Variants in RNF115 observed in about 807,000 individuals in gnomAD.
RNF115 encodes ring finger protein 115.
RNF115 carries 31 observed loss-of-function variants against 39.2 expected under a neutral mutation model. That is an observed-to-expected ratio of 0.79 (90% CI 0.59 to 1.07). The LOEUF (loss-of-function observed/expected upper bound fraction) is 1.07, where lower values mean the gene tolerates loss of function less well. Among genes scored for constraint, RNF115 ranks in the 50% least tolerant of loss-of-function variants. The pLI is 0.00. For synonymous variants in RNF115, 124 were observed against 131.0 expected (o/e 0.95, Z 0.37); for missense variants, 384 against 381.7 (o/e 1.01, Z -0.05).
At chr1:145,794,701 GGTGA>G (rs1648862900) in intron 1 of RNF115, among the ~76,000 whole-genome samples, 1 of 151,124 alleles carries the variant, frequency 6.6e-6, no homozygotes, top group Admixed American at 6.6e-5. Context: ...GGACCCTCCC[GGTGA>G]GTGTTACACT....
At chr1:145,761,148 AG>A (rs1553713783) in intron 4 of RNF115, among the ~76,000 whole-genome samples, 2 of 152,226 alleles carry the variant, frequency 1.3e-5, no homozygotes, top group Admixed American at 6.5e-5. Context: ...GCTGTTAACC[AG>A]TTTTATAAGG....
Position 145,824,032 on chromosome 1 carries a change from G to T in RNF115, c.-159C>A. 5.8e-6 allele frequency: 3 copies of T among 520,212 alleles called. No homozygotes were observed. Among genetic ancestry groups the T allele is most frequent in the South Asian group, 6.0e-5 (2 of 33,244 alleles). 32.2% of individuals were successfully genotyped at this position (520,212 alleles called of 1,614,324 possible). A position where few individuals can be genotyped will look rare whatever the true frequency, so the allele number is the denominator to read the frequency against. ...GTGAGTTGGCCAGGCCCAGAAACGC[G>T]GCGGCGCCAACAGCTACCCTGCGGC... On this transcript the variant is annotated 5_prime_UTR_variant, in exon 1 of 9. Coordinates refer to ENST00000582693, the MANE Select transcript of RNF115 (RefSeq NM_014455.4).
chr1:145,812,339 T>C (rs373083587), intron 1 of RNF115, among the ~76,000 whole-genome samples: 8,853 of 135,100 alleles, frequency 0.066, 302 homozygotes, highest in East Asian at 0.072. Context: ...TTAATCTGTC[T>C]TAACAGATTT....
intron 4 of RNF115, among the ~76,000 whole-genome samples, chr1:145,757,917 A>G (rs12401620): frequency 3.3e-5 from 5 of 152,234 alleles, no homozygotes; most frequent in Admixed American, 3.3e-4. Flanking sequence ...CCTAGTTAAA[A>G]GGACAGCTAC....
rs1378849755 is a variant in RNF115 at position 145,815,585 on chromosome 1, G to A, written c.102+8187C>T. ...ACTCCATGACACAGCCCTCTGTGGT[G>A]TACTACCCAGTCATTCATCATCAAT... On this transcript the variant is annotated intron_variant, in intron 1 of 8. Transcript: ENST00000582693. Among the ~76,000 whole-genome samples, 10 of 152,270 alleles carry A rather than the reference G, an allele frequency of 6.6e-5. No homozygotes were observed. In the East Asian group the frequency reaches 1.9e-3, roughly 29 times the overall value.
chr1:145,784,142 T>C (rs1648271167), intron 3 of RNF115, among the ~76,000 whole-genome samples: 1 of 152,202 alleles, frequency 6.6e-6, no homozygotes. Flanking sequence ...ACTATTTCAT[T>C]GTGACTTCGA....
chr1:145,761,918 G>A (rs781802884), intron 4 of RNF115, among the ~76,000 whole-genome samples: 12 of 152,152 alleles, frequency 7.9e-5, no homozygotes, highest in African/African-American at 9.7e-5. Flanking sequence ...CCAAGACCAC[G>A]GGAACCCACC....
chr1:145,821,792 T>G (rs1553724384), intron 1 of RNF115, among the ~76,000 whole-genome samples: 1 of 106,742 alleles, frequency 9.4e-6, no homozygotes, highest in African/African-American at 3.4e-5. Flanking sequence ...AAAGGCAAAA[T>G]AGTGAACAGC....
chr1:145,770,183 G>C (rs750129876), intron 4 of RNF115, among the ~76,000 whole-genome samples: 4 of 152,140 alleles, frequency 2.6e-5, no homozygotes, highest in Non-Finnish European at 5.9e-5. Flanking sequence ...AAAATCATTA[G>C]TCATTCTTAA....
chr1:145,754,235 A>G (rs752884326), intron 4 of RNF115, among the ~76,000 whole-genome samples: 10 of 152,204 alleles, frequency 6.6e-5, no homozygotes, highest in Non-Finnish European at 1.3e-4. Flanking sequence ...ATATGTATGC[A>G]TTGTGGAATG....
intron 4 of RNF115, among the ~76,000 whole-genome samples, chr1:145,764,671 C>T (rs908770228): frequency 6.6e-6 from 1 of 151,630 alleles, no homozygotes; most frequent in Non-Finnish European, 1.5e-5. Context: ...AAGTGAGGAG[C>T]GTCTCTGCCC....
intron 2 of RNF115, 112 bp downstream of exon 2, chr1:145,788,796 G>T (rs781903073): frequency 1.3e-6 from 1 of 795,760 alleles, no homozygotes; most frequent in Admixed American, 1.8e-5. Context: ...TCTCACTCTC[G>T]CTCTCTCTGT....
At chr1:145,757,505 G>A (rs1358510976) in intron 4 of RNF115, among the ~76,000 whole-genome samples, 2 of 152,106 alleles carry the variant, frequency 1.3e-5, no homozygotes, top group African/African-American at 2.4e-5. Flanking sequence ...AATGAAAACC[G>A]GTCTCTGGGC....
chr1:145,761,430 T>C, intron 4 of RNF115, among the ~76,000 whole-genome samples: 1 of 152,308 alleles, frequency 6.6e-6, no homozygotes, highest in East Asian at 1.9e-4. Flanking sequence ...CCTAGGGACT[T>C]GGTGCCCTGT....
At chr1:145,761,589 C>T (rs182015493) in intron 4 of RNF115, among the ~76,000 whole-genome samples, 148 of 152,334 alleles carry the variant, frequency 9.7e-4, no homozygotes, top group Non-Finnish European at 3.5e-4. Flanking sequence ...TGGGAACCTC[C>T]GCCTAGATTT....
chr1:145,821,695 T>C (rs1323919751), intron 1 of RNF115, among the ~76,000 whole-genome samples: 3 of 96,016 alleles, frequency 3.1e-5, no homozygotes, highest in East Asian at 2.5e-4. Context: ...CTCGAACTCC[T>C]GAGCTCAAGC....
intron 2 of RNF115, among the ~76,000 whole-genome samples, chr1:145,785,912 A>T (rs1382888380): frequency 6.6e-6 from 1 of 152,244 alleles, no homozygotes; most frequent in Non-Finnish European, 1.5e-5. Flanking sequence ...TCTATGCTAA[A>T]TAAACAGCTA....
chr1:145,754,626 C>A (rs977838136), intron 4 of RNF115, among the ~76,000 whole-genome samples: 3 of 152,148 alleles, frequency 2.0e-5, no homozygotes, highest in African/African-American at 7.2e-5. Context: ...CATGAGCCAC[C>A]CCACCTGGCT....
At chr1:145,773,965 C>A (rs1203955045) in intron 3 of RNF115, 1 of 152,234 alleles carries the variant, frequency 6.6e-6, no homozygotes, top group Non-Finnish European at 1.5e-5. Context: ...GCAGCCATAC[C>A]AGGAAGGGAG....
Sources: gnomAD v4.1 joint callset for allele counts (sites outside exome capture counted in the v4.1 genomes callset) on GRCh38, gnomAD v4.1.1 for gene constraint, MANE v1.5 for transcripts, NCBI Gene and HGNC (gene_info 2026-07-23, HGNC 2026-07-21) for gene names.